The following LRRFIP1 variants were observed in gnomAD, a reference collection of about 807,000 sequenced individuals.
The protein encoded by LRRFIP1 is leucine-rich repeat flightless-interacting protein 1.
In LRRFIP1, 62 loss-of-function variants were observed where a neutral mutation model predicts 104.4. The observed-to-expected ratio is 0.59, with a 90% CI of 0.48 to 0.73. The LOEUF (loss-of-function observed/expected upper bound fraction) is 0.73. LRRFIP1 is among the 30% of genes least tolerant of loss of function. The probability of loss-of-function intolerance (pLI) is 0.00; values close to 1 mark genes in which losing one functional copy is unlikely to be tolerated. For synonymous variants in LRRFIP1, 300 were observed against 299.0 expected (o/e 1.00, Z -0.03); for missense variants, 796 against 824.5 (o/e 0.97, Z 0.42).
rs1260286333 is a variant in LRRFIP1 at position 237,627,609 on chromosome 2, C to T, written c.-36C>T. ...GCCGGGGCGGCGCGAGCGGCTGGAGCAACGGGCCCCGCGGCAGCTGCGGGC... is the reference window on the plus strand; with the variant it reads ...GCCGGGGCGGCGCGAGCGGCTGGAGTAACGGGCCCCGCGGCAGCTGCGGGC... On this transcript the variant is annotated 5_prime_UTR_variant, in exon 1 of 24. Coordinates refer to ENST00000308482, the MANE Select transcript of LRRFIP1 (RefSeq NM_001137550.2). 1.7e-6 allele frequency: 2 copies of T among 1,211,772 alleles called. No individual in the cohort carries two copies. Among genetic ancestry groups the T allele is most frequent in the African/African-American group, 1.6e-5 (1 of 62,304 alleles). 75.1% of individuals were successfully genotyped at this position (1,211,772 alleles called of 1,614,324 possible).
In LRRFIP1 at chr2:237,691,700, G is replaced by A. The variant is rs1479008956; in HGVS notation, c.97-16844G>A. On this transcript the variant is annotated intron_variant, in intron 1 of 23. Transcript: ENST00000308482. This position sits in a 1 kb window ranked among gnomAD's most constrained non-coding sequence, Gnocchi z 5.4. ...GCCCCGGGCAGGTCCCCCCCCGGAG[G>A]GGACCCCCTCTTCGGGTCGACCCCT... Among the ~76,000 whole-genome samples, 3 of 152,256 alleles carry A rather than the reference G, an allele frequency of 2.0e-5. No homozygotes were observed. The highest frequency in any genetic ancestry group is 3.9e-4 in the East Asian group (2 of 5,168).
chr2:237,776,149 G>A (rs931640645), intron 23 of LRRFIP1, among the ~76,000 whole-genome samples: 4 of 151,748 alleles, frequency 2.6e-5, no homozygotes, highest in Admixed American at 2.0e-4. Context: ...TTGTAGAGAC[G>A]GGGTTTCTCC....
At chr2:237,705,927 G>A (rs2093781507) in intron 1 of LRRFIP1, among the ~76,000 whole-genome samples, 4 of 152,262 alleles carry the variant, frequency 2.6e-5, no homozygotes, top group Admixed American at 6.5e-5. Context: ...AGCCAGCAAG[G>A]ACACTGACTT....
intron 1 of LRRFIP1, among the ~76,000 whole-genome samples, chr2:237,702,134 C>G (rs1007702340): frequency 1.4e-4 from 22 of 152,162 alleles, no homozygotes; most frequent in African/African-American, 5.3e-4. Flanking sequence ...GGGGGTCATA[C>G]TTGTGCTTCC....
In LRRFIP1 at chr2:237,674,292, C is replaced by T. The variant is rs151190136; in HGVS notation, c.97-34252C>T. Reference sequence around the variant, plus strand: ...TACAGGAAAGAGCTCTGCAGCCCCCCAGAATCCTAGCCTGCGCCCGCAGAT... The same window carrying T: ...TACAGGAAAGAGCTCTGCAGCCCCCTAGAATCCTAGCCTGCGCCCGCAGAT... On this transcript the variant is annotated intron_variant, in intron 1 of 23. Transcript: ENST00000308482. Among the ~76,000 whole-genome samples the T allele has an allele frequency of 5.4e-3, 823 of 152,304 alleles. 4 individuals are homozygous for T. The highest frequency in any genetic ancestry group is 8.6e-3 in the Non-Finnish European group (584 of 68,026).
chr2:237,658,829 A>G (rs2087311063), intron 1 of LRRFIP1, among the ~76,000 whole-genome samples: 1 of 152,170 alleles, frequency 6.6e-6, no homozygotes, highest in African/African-American at 2.4e-5. Context: ...TGCGGAGATT[A>G]TGGGGATTAT....
intron 1 of LRRFIP1, 79 bp from the exon 2 acceptor site, chr2:237,708,465 T>C: frequency 9.5e-7 from 1 of 1,049,090 alleles, no homozygotes; most frequent in Non-Finnish European, 1.4e-6. Flanking sequence ...AGATTTTCTT[T>C]CCGCATCATC....
chr2:237,713,506 T>A (rs949871484), intron 2 of LRRFIP1, among the ~76,000 whole-genome samples: 2 of 152,214 alleles, frequency 1.3e-5, no homozygotes, highest in African/African-American at 4.8e-5. Flanking sequence ...GCTTTGTTTC[T>A]TACAGTCATA....
chr2:237,730,894 G>A (rs1157472448), intron 8 of LRRFIP1, among the ~76,000 whole-genome samples: 1 of 151,886 alleles, frequency 6.6e-6, no homozygotes, highest in African/African-American at 2.4e-5. Context: ...CTCCAGCCTG[G>A]GCGACAGAGT....
chr2:237,677,152 A>G (rs1224026058), intron 1 of LRRFIP1, among the ~76,000 whole-genome samples: 1 of 152,146 alleles, frequency 6.6e-6, no homozygotes. Context: ...GAACTTCTTC[A>G]TCTTGCAGAA....
At chr2:237,774,555 C>T (rs1184000478) in intron 23 of LRRFIP1, 93 bp downstream of exon 23, 55 of 819,296 alleles carry the variant, frequency 6.7e-5, no homozygotes, top group Non-Finnish European at 6.0e-6. Context: ...GTGACATCTG[C>T]CCCTGGGCTG....
At chr2:237,753,938 C>T (rs1400318191) in intron 15 of LRRFIP1, among the ~76,000 whole-genome samples, 2 of 151,814 alleles carry the variant, frequency 1.3e-5, no homozygotes, top group Non-Finnish European at 2.9e-5. Flanking sequence ...AATGGCTCTC[C>T]GCTTATCCAG....
chr2:237,741,721 G>A (rs1439419477), intron 11 of LRRFIP1, among the ~76,000 whole-genome samples: 3 of 152,076 alleles, frequency 2.0e-5, no homozygotes, highest in Non-Finnish European at 4.4e-5. Context: ...CCAGCTACTT[G>A]GGAGGCTGAG....
At chr2:237,769,895 G>C (rs767189704) in intron 19 of LRRFIP1, 48 bp from the exon 20 acceptor site, 161 of 1,392,594 alleles carry the variant, frequency 1.2e-4, no homozygotes, top group Admixed American at 2.5e-4. Context: ...GTGCTGAAAG[G>C]CGCGGCACGC....
chr2:237,649,696 G>A lies in LRRFIP1; in HGVS notation c.96+21956G>A, dbSNP rs1300139830. 6.6e-6 allele frequency among the ~76,000 whole-genome samples: 1 copy of A among 151,980 alleles called. No homozygotes were observed. Among genetic ancestry groups the A allele is most frequent in the African/African-American group, 2.4e-5 (1 of 41,444 alleles). On this transcript the variant is annotated intron_variant, in intron 1 of 23. Transcript: ENST00000308482. This position sits in a 1 kb window ranked among gnomAD's most constrained non-coding sequence, Gnocchi z 4.1. ...TTCACATGTCACATTTCTCACCGGA[G>A]TCCTCGTCCCATCGCCTCCTCTCTC...
At chr2:237,669,723 G>A (rs1031236750) in intron 1 of LRRFIP1, among the ~76,000 whole-genome samples, 1 of 152,090 alleles carries the variant, frequency 6.6e-6, no homozygotes, top group Non-Finnish European at 1.5e-5. Flanking sequence ...CCACAGTGAT[G>A]CCTCCACCCC....
At chr2:237,655,254 G>A (rs934636189) in intron 1 of LRRFIP1, among the ~76,000 whole-genome samples, 4 of 148,812 alleles carry the variant, frequency 2.7e-5, no homozygotes, top group Non-Finnish European at 4.5e-5. Flanking sequence ...GGGACTACAG[G>A]CATGCATCAC....
At chr2:237,638,256 A>T (rs926232957) in intron 1 of LRRFIP1, among the ~76,000 whole-genome samples, 4 of 152,200 alleles carry the variant, frequency 2.6e-5, no homozygotes, top group Non-Finnish European at 4.4e-5. Flanking sequence ...CAGGAATTAG[A>T]TTCTCATAAG....
chr2:237,771,837 T>G (rs1466375120), intron 20 of LRRFIP1: 8 of 452,918 alleles, frequency 1.8e-5, no homozygotes, highest in Non-Finnish European at 3.2e-5. Flanking sequence ...AGGTATTTCA[T>G]GTACAGTCTC....
Sources: allele counts gnomAD v4.1 joint callset (sites outside exome capture counted in the v4.1 genomes callset), GRCh38; gene constraint gnomAD v4.1.1; non-coding constraint Gnocchi (gnomAD v3.1); transcripts MANE v1.5; gene names NCBI Gene and HGNC (gene_info 2026-07-23, HGNC 2026-07-21).